ITGB2: variants seen among roughly 807,000 people sequenced by gnomAD.
The protein encoded by ITGB2 is integrin beta-2.
A neutral mutation model predicts 86.8 loss-of-function variants in ITGB2; 56 were observed. The ratio of observed to expected loss-of-function variants is 0.65; its 90% confidence interval spans 0.52 to 0.81. The LOEUF (loss-of-function observed/expected upper bound fraction) is 0.81. Among genes scored for constraint, ITGB2 ranks in the 30% least tolerant of loss-of-function variants. ITGB2 has a pLI of 0.00. For missense variants in ITGB2, 948 were observed against 1,061.2 expected, an observed-to-expected ratio of 0.89 and a Z score of 1.48; for synonymous variants, 457 against 450.4, an observed-to-expected ratio of 1.01 and a Z score of -0.19.
intron 8 of ITGB2, among the ~76,000 whole-genome samples, chr21:44,896,412 C>G (rs757584168): frequency 5.9e-5 from 9 of 152,208 alleles, no homozygotes; most frequent in Admixed American, 1.3e-4. Context: ...GCGCAGCCAG[C>G]CTCCCCCATG....
intron 1 of ITGB2, chr21:44,928,152 C>T (rs1216722650): frequency 6.6e-6 from 1 of 152,120 alleles, no homozygotes; most frequent in Admixed American, 6.5e-5. Flanking sequence ...CCTGACTCAC[C>T]CAAAGGAAGA....
rs754994927 is a variant in ITGB2 at position 44,906,983 on chromosome 21, G to A, written c.260C>T (p.Thr87Ile). The A allele has an allele frequency of 6.2e-7, 1 of 1,614,190 alleles. No homozygotes were observed. Among genetic ancestry groups the A allele is most frequent in the Non-Finnish European group, 8.5e-7 (1 of 1,180,022 alleles). Reference sequence around the variant, plus strand: ...CTGGCCCCCATTGTGGTCTTCCTGGGTTTCAGCGAGGCTTGTGGGGTCCAT... The same window carrying A: ...CTGGCCCCCATTGTGGTCTTCCTGGATTTCAGCGAGGCTTGTGGGGTCCAT... ...DIMDPTSLAE[T>I]QEDHNGGQKQ... The change falls in exon 4 of 16, where the codon ACC (threonine) becomes ATC (isoleucine). Residue 87 changes from threonine to isoleucine, a missense_variant. Thr to Ile is a moderately conservative substitution (Grantham distance 89). Transcript: ENST00000652462.
intron 14 of ITGB2, among the ~76,000 whole-genome samples, chr21:44,888,033 T>G (rs1369956080): frequency 6.6e-6 from 1 of 152,200 alleles, no homozygotes; most frequent in African/African-American, 2.4e-5. Flanking sequence ...GCAGGGCCAG[T>G]GTCACCAAGG....
At chr21:44,901,434 T>C in intron 6 of ITGB2, 58 bp downstream of exon 6, 1 of 1,593,796 alleles carries the variant, frequency 6.3e-7, no homozygotes, top group African/African-American at 1.3e-5. Context: ...ACACAGCGCC[T>C]GACAGAGCCC....
chr21:44,925,137 CT>C (rs71334038), upstream of ITGB2, among the ~76,000 whole-genome samples: 7,693 of 144,718 alleles, frequency 0.053, 556 homozygotes, highest in African/African-American at 0.17. Flanking sequence ...TAGTTTATAT[CT>C]TTTTTTTTTT....
rs893301310 is a variant in ITGB2, at chr21:44,895,913, T to A, written c.994-853A>T. 3.4e-4 allele frequency among the ~76,000 whole-genome samples: 50 copies of A among 148,756 alleles called. 1 individual carries two copies. The highest frequency in any genetic ancestry group is 8.4e-4 in the African/African-American group (34 of 40,716). ...AAAATAAAATAAAATAAATAAAAAA[T>A]AAAAAAAAAATTACTGTTGCATCAT... On this transcript the variant is annotated intron_variant, in intron 8 of 15. Transcript: ENST00000652462.
rs1021483045 is a variant in ITGB2, at chr21:44,891,902, T to G, written c.1319A>C (p.Gln440Pro). ...ALGFTDIVTV[Q>P]VLPQCECRCR... ...CCGGCACTCACACTGGGGAAGAACC[T>G]GCACGGTCACTATGTCCGTGAAGCC... Residue 440 changes from glutamine (Q) to proline (P), a missense_variant, in exon 11 of 16, where the codon CAG becomes CCG. By Grantham distance (76) the Gln-to-Pro change is moderately conservative (BLOSUM62 -1). Coordinates refer to ENST00000652462, the MANE Select transcript of ITGB2 (RefSeq NM_000211.5). 2 of 1,613,296 alleles carry G rather than the reference T, an allele frequency of 1.2e-6. No individual in the cohort carries two copies. The highest frequency in any genetic ancestry group is 3.3e-5 in the Admixed American group (2 of 60,024).
chr21:44,916,059 A>G (rs545114555), intron 1 of ITGB2, among the ~76,000 whole-genome samples: 1 of 152,206 alleles, frequency 6.6e-6, no homozygotes, highest in African/African-American at 2.4e-5. Flanking sequence ...AGTAGCTGGG[A>G]CTATAGGTGC....
chr21:44,901,952 A>C (rs2083966398), intron 5 of ITGB2: 1 of 588,396 alleles, frequency 1.7e-6, no homozygotes, highest in African/African-American at 1.9e-5. Flanking sequence ...TGTGCAATGT[A>C]CATGGATGAG....
At position 44,890,055 on chromosome 21, in the gene ITGB2, T is replaced by C. The variant is rs1229743129; in HGVS notation, c.1580A>G (p.Lys527Arg). The C allele has an allele frequency of 6.2e-7, 1 of 1,613,404 alleles. No individual in the cohort carries two copies. Among genetic ancestry groups the C allele is most frequent in the Non-Finnish European group, 8.5e-7 (1 of 1,180,032 alleles). Reference sequence around the variant, plus strand: ...CTCGCAGTACTGCCCGTATATCAGCTTGCCGGGGACGTCGCTGGTGTGGCA... The same window carrying C: ...CTCGCAGTACTGCCCGTATATCAGCCTGCCGGGGACGTCGCTGGTGTGGCA... ...CLCHTSDVPG[K>R]LIYGQYCECD... The change falls in exon 12 of 16, where the codon AAG (lysine) becomes AGG (arginine). Residue 527 changes from lysine to arginine, a missense_variant. By Grantham distance (26) the Lys-to-Arg change is conservative. Transcript: ENST00000652462.
chr21:44,923,250 C>T (rs147344814), upstream of ITGB2, among the ~76,000 whole-genome samples: 331 of 152,110 alleles, frequency 2.2e-3, 2 homozygotes, highest in Non-Finnish European at 2.6e-3. Context: ...AGAGGAGAGA[C>T]GAAGGGAGAG....
rs375647389 is a variant in ITGB2, at chr21:44,904,602, A to G, written c.329-1067T>C. Among the ~76,000 whole-genome samples the G allele has an allele frequency of 1.4e-3, 210 of 151,456 alleles. 8 individuals carry two copies. In the South Asian group the frequency reaches 0.043, roughly 31 times the overall value. On this transcript the variant is annotated intron_variant, in intron 4 of 15. Coordinates refer to ENST00000652462, the MANE Select transcript of ITGB2 (RefSeq NM_000211.5). ...GCACACATACTATATGTACTTGTTC[A>G]TATACACAAACACACCACATGCACG...
chr21:44,895,146 C>T, intron 8 of ITGB2, 86 bp from the exon 9 acceptor site: 1 of 984,058 alleles, frequency 1.0e-6, no homozygotes, highest in Non-Finnish European at 1.6e-6. Flanking sequence ...GGGGCTTCTG[C>T]ACCTGCAAAA....
chr21:44,912,489 A>T (rs938328446), intron 1 of ITGB2, among the ~76,000 whole-genome samples: 8 of 152,194 alleles, frequency 5.3e-5, no homozygotes, highest in Admixed American at 4.6e-4. Flanking sequence ...GCAAAATTAT[A>T]ATCAGAATAC....
chr21:44,896,392 A>G lies in ITGB2; in HGVS notation c.994-1332T>C, dbSNP rs530879560. On this transcript the variant is annotated intron_variant, in intron 8 of 15. Transcript: ENST00000652462. ...GGTGACATCGGTTCTGGCCGGCCAG[A>G]TGCACAGGGGCGCAGCCAGCCTCCC... is the stretch of plus-strand genomic sequence containing the variant. 6.6e-5 allele frequency among the ~76,000 whole-genome samples: 10 copies of G among 152,328 alleles called. No individual in the cohort carries two copies. The East Asian group carries it at 1.5e-3, about 23-fold the overall frequency.
In ITGB2 at chr21:44,889,259, G is replaced by A; in HGVS notation, c.1877+17C>T. ...GTGGGGATCCCTGCCCGCCCTGCCT[G>A]CTCCGCCTGCACTCACATGTACTTG... On this transcript the variant is annotated intron_variant, in intron 13 of 15. Transcript: ENST00000652462. 6.2e-7 allele frequency: 1 copy of A among 1,610,788 alleles called. No homozygotes were observed. The highest frequency in any genetic ancestry group is 8.5e-7 in the Non-Finnish European group (1 of 1,178,446).
chr21:44,887,948 A>C (rs987694112), intron 14 of ITGB2, among the ~76,000 whole-genome samples: 24 of 152,176 alleles, frequency 1.6e-4, no homozygotes, highest in Admixed American at 1.6e-3. Flanking sequence ...GCCATGCCTG[A>C]TGGAGTCCGC....
rs2084118412 is a variant in ITGB2, at chr21:44,910,731, C to T, written c.52G>A (p.Gly18Arg). Residue 18 changes from glycine (G) to arginine (R), a missense_variant, in exon 2 of 16, where the codon GGG becomes AGG. Gly to Arg is a moderately radical substitution (Grantham distance 125). Coordinates refer to ENST00000652462, the MANE Select transcript of ITGB2 (RefSeq NM_000211.5). ...CGTGGAACACAGAACTCACCGCACC[C>T]GAGGGAGAGCAGCCCCACCAGGGCG... ...LLALVGLLSL[G>R]CVLSQECTKF... is the part of the protein sequence containing the mutation. 8 of 1,613,888 alleles carry T rather than the reference C, an allele frequency of 5.0e-6. No individual in the cohort carries two copies. Among genetic ancestry groups the T allele is most frequent in the East Asian group, 2.2e-5 (1 of 44,884 alleles).
intron 1 of ITGB2, among the ~76,000 whole-genome samples, chr21:44,914,578 A>G (rs2084176539): frequency 6.6e-6 from 1 of 152,168 alleles, no homozygotes; most frequent in Admixed American, 6.5e-5. Context: ...TCCGGGCCAA[A>G]TCACACACAC....
Sources: allele counts gnomAD v4.1 joint callset (sites outside exome capture counted in the v4.1 genomes callset), GRCh38; gene constraint gnomAD v4.1.1; transcripts MANE v1.5; gene names NCBI Gene and HGNC (gene_info 2026-07-23, HGNC 2026-07-21).